The following OPHN1 variants were observed in gnomAD, a reference collection of about 807,000 sequenced individuals.
OPHN1 encodes the protein oligophrenin 1, also known as oligophrenin-1.
OPHN1 carries 11 observed loss-of-function variants against 60.7 expected under a neutral mutation model. The observed-to-expected ratio is 0.18, with a 90% CI of 0.11 to 0.30. The LOEUF (loss-of-function observed/expected upper bound fraction) is 0.30. Among genes scored for constraint, OPHN1 ranks in the 10% least tolerant of loss-of-function variants. The pLI is 1.00. For missense variants in OPHN1, 449 were observed against 611.0 expected, an observed-to-expected ratio of 0.73 and a Z score of 2.80; for synonymous variants, 226 against 222.6, an observed-to-expected ratio of 1.02 and a Z score of -0.14.
chrX:68,197,091 T>C, intron 12 of OPHN1, 95 bp downstream of exon 12: 1 of 633,120 alleles, frequency 1.6e-6, no homozygotes, highest in South Asian at 2.3e-5. Flanking sequence ...AAACAATCCA[T>C]TACCATTTAA....
At chrX:68,219,493 C>T (rs767361302) in intron 6 of OPHN1, among the ~76,000 whole-genome samples, 5,821 of 108,481 alleles carry the variant, frequency 0.054, 177 homozygotes, top group Non-Finnish European at 0.083. Flanking sequence ...CTCAGCACCA[C>T]ACCACACCTA....
intron 15 of OPHN1, among the ~76,000 whole-genome samples, chrX:68,174,166 C>G (rs1012427356): frequency 2.7e-5 from 3 of 111,266 alleles, no homozygotes; most frequent in African/African-American, 9.8e-5. Context: ...CAAAAATGCC[C>G]AAAAGAAATA....
chrX:68,372,365 A>G (rs188035480), intron 2 of OPHN1, among the ~76,000 whole-genome samples: 13 of 111,514 alleles, frequency 1.2e-4, no homozygotes, highest in African/African-American at 4.2e-4. Flanking sequence ...AATGTAACCA[A>G]TGCCACTGAT....
chrX:68,357,000 C>T (rs1226577792), intron 2 of OPHN1, among the ~76,000 whole-genome samples: 3 of 111,464 alleles, frequency 2.7e-5, no homozygotes, highest in Admixed American at 9.6e-5. Flanking sequence ...TAAGGAGTTA[C>T]TGTTATTTGG....
chrX:68,133,535 A>G, intron 15 of OPHN1: 1 of 438,705 alleles, frequency 2.3e-6, no homozygotes, highest in Non-Finnish European at 4.4e-6. Context: ...TTCAGCTTCA[A>G]TTTTGCATCC....
At chrX:68,296,884 A>T (rs1410458879) in intron 3 of OPHN1, among the ~76,000 whole-genome samples, 1 of 110,834 alleles carries the variant, frequency 9.0e-6, no homozygotes, top group Non-Finnish European at 1.9e-5. Flanking sequence ...ACCTGGCATC[A>T]CCAAGGAGTC....
intron 24 of OPHN1, among the ~76,000 whole-genome samples, chrX:68,047,384 C>G (rs1208205289): frequency 9.0e-6 from 1 of 111,389 alleles, no homozygotes; most frequent in African/African-American, 3.3e-5. Context: ...TGCCTTTGAC[C>G]TCAACTCAAA....
chrX:68,158,255 A>G (rs2077318900), intron 15 of OPHN1, among the ~76,000 whole-genome samples: 1 of 112,825 alleles, frequency 8.9e-6, no homozygotes, highest in South Asian at 3.6e-4. Context: ...AAAGGCAGGT[A>G]TAGGCTGGAC....
chrX:68,368,737 TTTTG>T (rs1299675940), intron 2 of OPHN1, among the ~76,000 whole-genome samples: 2 of 111,609 alleles, frequency 1.8e-5, no homozygotes, highest in African/African-American at 3.3e-5. Context: ...TAGAGGTGGT[TTTTG>T]TTTGTTTATT....
intron 12 of OPHN1, 143 bp downstream of exon 12, chrX:68,197,043 A>G: frequency 2.0e-6 from 1 of 500,508 alleles, no homozygotes; most frequent in Non-Finnish European, 3.5e-6. Flanking sequence ...CTGCTAAGAG[A>G]TGTGGAAACA....
intron 2 of OPHN1, among the ~76,000 whole-genome samples, chrX:68,429,838 C>G (rs1366024645): frequency 2.7e-5 from 3 of 111,446 alleles, no homozygotes; most frequent in Non-Finnish European, 5.6e-5. Flanking sequence ...GAGTTCGATA[C>G]CAGCCTGGCC....
chrX:68,342,945 C>CGAA (rs970175902), intron 2 of OPHN1, among the ~76,000 whole-genome samples: 2 of 108,915 alleles, frequency 1.8e-5, no homozygotes, highest in Admixed American at 1.0e-4. Flanking sequence ...GTCACGAAGA[C>CGAA]GAAGAAGAAG....
At position 68,052,840 on chromosome X, in the gene OPHN1, T is replaced by G. The variant is rs746377668; in HGVS notation, c.2325-250A>C. Among the ~76,000 whole-genome samples the G allele has an allele frequency of 9.8e-5, 11 of 112,639 alleles. No homozygotes were observed. The East Asian group carries it at 1.4e-3, about 14-fold the overall frequency. ...TGAGTATGTTGCTGAGTCAGGCTCT[T>G]CTTGGGGGAAATAAATGAAACCAGT... On this transcript the variant is annotated intron_variant, in intron 22 of 24. Coordinates refer to ENST00000355520, the MANE Select transcript of OPHN1 (RefSeq NM_002547.3).
intron 21 of OPHN1, among the ~76,000 whole-genome samples, chrX:68,055,141 C>T (rs1401833316): frequency 9.0e-6 from 1 of 111,585 alleles, no homozygotes; most frequent in African/African-American, 3.3e-5. Flanking sequence ...AATTGGTCTG[C>T]CTACTGCCCC....
chrX:68,072,809 G>A (rs981038800), intron 20 of OPHN1, among the ~76,000 whole-genome samples: 3 of 111,652 alleles, frequency 2.7e-5, no homozygotes, highest in African/African-American at 9.8e-5. Flanking sequence ...TATCCAATCC[G>A]TGTTTGCTAT....
intron 15 of OPHN1, among the ~76,000 whole-genome samples, chrX:68,181,901 TAAATCCTGAG>T (rs1277878434): frequency 8.9e-6 from 1 of 112,206 alleles, no homozygotes; most frequent in African/African-American, 3.2e-5. Context: ...CACTTACATC[TAAATCCTGAG>T]TTCAAGTCCA....
intron 20 of OPHN1, chrX:68,071,190 G>T: frequency 1.5e-6 from 1 of 668,622 alleles, no homozygotes; most frequent in Non-Finnish European, 2.5e-6. Flanking sequence ...TCACAAAGTA[G>T]TTCAGCTCCT....
At chrX:68,245,928 C>T (rs1421344640) in intron 5 of OPHN1, among the ~76,000 whole-genome samples, 3 of 111,687 alleles carry the variant, frequency 2.7e-5, no homozygotes, top group Admixed American at 9.6e-5. Context: ...CTCAGCCTCC[C>T]GAGTAGCTGG....
chrX:68,267,296 C>A (rs1399045489), intron 5 of OPHN1, among the ~76,000 whole-genome samples: 3 of 111,425 alleles, frequency 2.7e-5, no homozygotes, highest in East Asian at 2.8e-4. Context: ...CTCCTCAGCA[C>A]ATGTAAAAGA....
Sources: allele counts gnomAD v4.1 joint callset (sites outside exome capture counted in the v4.1 genomes callset), GRCh38; gene constraint gnomAD v4.1.1; transcripts MANE v1.5; gene names NCBI Gene and HGNC (gene_info 2026-07-23, HGNC 2026-07-21).